Variants in ADGRB3 observed in about 807,000 individuals in gnomAD.
ADGRB3 encodes the protein brain-specific angiogenesis inhibitor 3.
In ADGRB3, 37 loss-of-function variants were observed where a neutral mutation model predicts 193.4. The ratio of observed to expected loss-of-function variants is 0.19; its 90% CI spans 0.15 to 0.25. The LOEUF (loss-of-function observed/expected upper bound fraction) is 0.25. ADGRB3 is among the 10% of genes least tolerant of loss of function. The pLI is 1.00. For missense variants in ADGRB3, 1,637 were observed against 1,852.9 expected, an observed-to-expected ratio of 0.88 and a Z score of 2.14; for synonymous variants, 690 against 644.2, an observed-to-expected ratio of 1.07 and a Z score of -1.08.
At chr6:69,108,259 G>A (rs757160548) in intron 17 of ADGRB3, among the ~76,000 whole-genome samples, 8 of 152,076 alleles carry the variant, frequency 5.3e-5, no homozygotes, top group South Asian at 2.1e-4. Context: ...GATTGAGTAC[G>A]GTGAAGTGGC....
chr6:68,697,828 G>A (rs928149091), intron 3 of ADGRB3, among the ~76,000 whole-genome samples: 4 of 151,898 alleles, frequency 2.6e-5, no homozygotes, highest in Non-Finnish European at 4.4e-5. Flanking sequence ...TTTGCATTTA[G>A]AGGAACTTGA....
intron 3 of ADGRB3, among the ~76,000 whole-genome samples, chr6:68,655,493 C>A (rs1440226802): frequency 1.3e-5 from 2 of 151,634 alleles, no homozygotes; most frequent in Non-Finnish European, 3.0e-5. Flanking sequence ...TTCTTTATTA[C>A]AACAAATAAA....
intron 3 of ADGRB3, among the ~76,000 whole-genome samples, chr6:68,797,489 G>A (rs893712311): frequency 2.0e-5 from 3 of 152,162 alleles, no homozygotes; most frequent in Admixed American, 6.6e-5. Context: ...TCCAGCCCAG[G>A]TGGAGGGCAG....
At chr6:69,342,348 CT>C (rs1268231148) in intron 26 of ADGRB3, among the ~76,000 whole-genome samples, 1 of 151,850 alleles carries the variant, frequency 6.6e-6, no homozygotes, top group Non-Finnish European at 1.5e-5. Context: ...TCACATATTT[CT>C]TTTTTTTAAT....
chr6:68,731,506 A>T (rs1765775071), intron 3 of ADGRB3, among the ~76,000 whole-genome samples: 1 of 151,676 alleles, frequency 6.6e-6, no homozygotes, highest in South Asian at 2.1e-4. Context: ...TTTATTTAAA[A>T]GTTTGACATT....
intron 17 of ADGRB3, among the ~76,000 whole-genome samples, chr6:69,130,003 A>G (rs1005688513): frequency 6.6e-6 from 1 of 152,118 alleles, no homozygotes; most frequent in Admixed American, 6.6e-5. Flanking sequence ...GTCCTAGTCC[A>G]TTCAGGTTGC....
intron 19 of ADGRB3, among the ~76,000 whole-genome samples, chr6:69,235,440 T>A (rs1438805885): frequency 6.6e-6 from 1 of 152,078 alleles, no homozygotes; most frequent in Non-Finnish European, 1.5e-5. Flanking sequence ...ACAAGTTCAA[T>A]CTATTTGTGG....
chr6:69,209,620 A>G (rs996039753), intron 17 of ADGRB3, among the ~76,000 whole-genome samples: 8 of 152,220 alleles, frequency 5.3e-5, no homozygotes, highest in Admixed American at 5.2e-4. Context: ...ACAAAGCTGG[A>G]GAGTTGATAC....
intron 20 of ADGRB3, among the ~76,000 whole-genome samples, chr6:69,307,645 G>A (rs1174520054): frequency 6.6e-6 from 1 of 151,052 alleles, no homozygotes; most frequent in Non-Finnish European, 1.5e-5. Context: ...TATTTTTTCA[G>A]TTTTAAAAAT....
At chr6:68,715,375 C>A (rs1193389286) in intron 3 of ADGRB3, among the ~76,000 whole-genome samples, 1 of 151,558 alleles carries the variant, frequency 6.6e-6, no homozygotes, top group East Asian at 1.9e-4. Flanking sequence ...TACCAAGTAT[C>A]TGTGATATCT....
At chr6:69,168,397 C>T (rs564065526) in intron 17 of ADGRB3, among the ~76,000 whole-genome samples, 2 of 152,246 alleles carry the variant, frequency 1.3e-5, no homozygotes, top group Admixed American at 6.5e-5. Flanking sequence ...AGTTAATTAA[C>T]TAGTTAACGT....
At chr6:68,845,144 G>A (rs1768247775) in intron 3 of ADGRB3, among the ~76,000 whole-genome samples, 1 of 152,162 alleles carries the variant, frequency 6.6e-6, no homozygotes, top group African/African-American at 2.4e-5. Context: ...TTAAATACTT[G>A]AGGTAAATGG....
intron 3 of ADGRB3, among the ~76,000 whole-genome samples, chr6:68,890,412 C>CT (rs1473987221): frequency 6.6e-6 from 1 of 152,174 alleles, no homozygotes; most frequent in Non-Finnish European, 1.5e-5. Flanking sequence ...CTGTCCCAAA[C>CT]TTTTTTAAAG....
intron 20 of ADGRB3, among the ~76,000 whole-genome samples, chr6:69,280,286 C>G (rs901211116): frequency 6.6e-6 from 1 of 152,102 alleles, no homozygotes; most frequent in Non-Finnish European, 1.5e-5. Flanking sequence ...CCTCATCTCA[C>G]GAGGTAGAAC....
intron 3 of ADGRB3, among the ~76,000 whole-genome samples, chr6:68,843,895 C>T (rs567653186): frequency 6.6e-6 from 1 of 152,212 alleles, no homozygotes; most frequent in South Asian, 2.1e-4. Flanking sequence ...TCCTTGATAA[C>T]ACAGCTGCCA....
intron 3 of ADGRB3, among the ~76,000 whole-genome samples, chr6:68,827,725 A>G (rs1013137459): frequency 6.6e-6 from 1 of 151,952 alleles, no homozygotes; most frequent in Non-Finnish European, 1.5e-5. Context: ...TGTCTACAAG[A>G]TGGTCAGAAG....
chr6:68,765,529 T>G (rs1387751958), intron 3 of ADGRB3, among the ~76,000 whole-genome samples: 3 of 107,860 alleles, frequency 2.8e-5, no homozygotes, highest in Non-Finnish European at 6.1e-5. Context: ...CCTGTATATA[T>G]TCTTATAGAC....
chr6:69,388,873 C>T lies in ADGRB3; in HGVS notation c.4551C>T (p.Asp1517=), dbSNP rs768920298. 1.9e-6 allele frequency: 3 copies of T among 1,611,368 alleles called. No individual in the cohort carries two copies. The East Asian group carries it at 6.7e-5, about 36-fold the overall frequency. ...TGCCTCTGGATGTGCAAGAGGGTGA[C>T]TTTCAAACAGAAGTTTAAAAAAATC... ...LNLPLDVQEG[D]FQTEV is the part of the protein sequence containing the mutation. The change falls in exon 32 of 32, where the codon GAC becomes GAT. Residue 1517 remains aspartate, a synonymous_variant. Coordinates refer to ENST00000370598, the MANE Select transcript of ADGRB3 (RefSeq NM_001704.3).
intron 23 of ADGRB3, chr6:69,331,966 G>T: frequency 2.0e-6 from 2 of 985,250 alleles, no homozygotes; most frequent in Non-Finnish European, 2.4e-6. Flanking sequence ...GGTATGTTTT[G>T]CATCTTCCTT....
Sources: allele counts gnomAD v4.1 joint callset (sites outside exome capture counted in the v4.1 genomes callset), GRCh38; gene constraint gnomAD v4.1.1; transcripts MANE v1.5; gene names NCBI Gene and HGNC (gene_info 2026-07-23, HGNC 2026-07-21).